Variants in SLC44A5 observed in about 807,000 individuals in gnomAD.
The protein encoded by SLC44A5 is solute carrier family 44 member 5.
Under a neutral mutation model 101.8 loss-of-function variants are expected in SLC44A5, and 57 were observed. The observed-to-expected ratio is 0.56, with a 90% CI of 0.45 to 0.70. The LOEUF is 0.70. Ranked by LOEUF, SLC44A5 falls within the 30% of genes least tolerant of loss-of-function variation. The pLI is 0.00. For missense variants in SLC44A5, 737 were observed against 853.1 expected, an observed-to-expected ratio of 0.86 and a Z score of 1.70; for synonymous variants, 281 against 290.9, an observed-to-expected ratio of 0.97 and a Z score of 0.35.
intron 7 of SLC44A5, among the ~76,000 whole-genome samples, chr1:75,245,043 A>G (rs1315040403): frequency 6.6e-6 from 1 of 152,102 alleles, no homozygotes; most frequent in Non-Finnish European, 1.5e-5. Flanking sequence ...GCTGTACACA[A>G]AGGCATTTGG....
At chr1:75,287,431 T>TA (rs1392630248) in intron 5 of SLC44A5, among the ~76,000 whole-genome samples, 2 of 131,460 alleles carry the variant, frequency 1.5e-5, no homozygotes, top group African/African-American at 2.6e-5. Context: ...GAATTCTTTT[T>TA]TTTTTTTTTT....
chr1:75,479,445 A>G (rs1667673184), intron 2 of SLC44A5, among the ~76,000 whole-genome samples: 1 of 152,232 alleles, frequency 6.6e-6, no homozygotes, highest in Non-Finnish European at 1.5e-5. Context: ...ACCCTTCAAA[A>G]ATTAATGAAT....
intron 2 of SLC44A5, among the ~76,000 whole-genome samples, chr1:75,413,432 A>G (rs138945190): frequency 8.5e-5 from 13 of 152,280 alleles, no homozygotes; most frequent in Non-Finnish European, 1.8e-4. Context: ...CAACATAAGA[A>G]ACTTTTGCTA....
chr1:75,493,291 C>T (rs11163493), intron 2 of SLC44A5, among the ~76,000 whole-genome samples: 38,775 of 151,944 alleles, frequency 0.26, 6,530 homozygotes, highest in African/African-American at 0.48. Flanking sequence ...CGTCTGATGA[C>T]TTTTTTCTCC....
chr1:75,292,072 G>A (rs1653601551), intron 5 of SLC44A5, among the ~76,000 whole-genome samples: 1 of 151,826 alleles, frequency 6.6e-6, no homozygotes, highest in African/African-American at 2.4e-5. Context: ...TATGGATGGA[G>A]AGTTAGCATC....
At chr1:75,417,230 C>G (rs1778454) in intron 2 of SLC44A5, among the ~76,000 whole-genome samples, 2 of 151,964 alleles carry the variant, frequency 1.3e-5, no homozygotes, top group Non-Finnish European at 2.9e-5. Context: ...GTAAATGGGA[C>G]TCACGAGATC....
chr1:75,513,721 A>C (rs993582161), intron 2 of SLC44A5, among the ~76,000 whole-genome samples: 8 of 152,212 alleles, frequency 5.3e-5, no homozygotes, highest in African/African-American at 1.9e-4. Context: ...TCCAACATAC[A>C]AAAGGGAGCC....
At chr1:75,341,044 CAA>C (rs1657836267) in intron 3 of SLC44A5, among the ~76,000 whole-genome samples, 2 of 152,240 alleles carry the variant, frequency 1.3e-5, no homozygotes. Flanking sequence ...ACAAAAGAGC[CAA>C]AGAGTCCTAT....
intron 2 of SLC44A5, among the ~76,000 whole-genome samples, chr1:75,486,097 A>G (rs995118634): frequency 4.6e-5 from 7 of 152,230 alleles, no homozygotes; most frequent in African/African-American, 1.7e-4. Context: ...GTAATAAAAT[A>G]ATAATATGAA....
At chr1:75,249,916 T>C (rs76504600) in intron 7 of SLC44A5, among the ~76,000 whole-genome samples, 1,527 of 152,288 alleles carry the variant, frequency 0.01, 36 homozygotes, top group African/African-American at 0.035. Flanking sequence ...GCTCAGCTCA[T>C]AGCTACATTG....
At chr1:75,339,737 GTGA>G in intron 3 of SLC44A5, 107 bp from the exon 4 acceptor site, 1 of 877,072 alleles carries the variant, frequency 1.1e-6, no homozygotes, top group Admixed American at 2.6e-5. Flanking sequence ...GCTCAGTGCA[GTGA>G]TGAATTCATA....
intron 2 of SLC44A5, among the ~76,000 whole-genome samples, chr1:75,414,882 T>C (rs1557761597): frequency 6.6e-6 from 1 of 152,192 alleles, no homozygotes; most frequent in Non-Finnish European, 1.5e-5. Context: ...ATGTGGGGCC[T>C]TGTAGGCTAG....
chr1:75,450,530 A>C (rs953006996), intron 2 of SLC44A5, among the ~76,000 whole-genome samples: 1 of 152,208 alleles, frequency 6.6e-6, no homozygotes, highest in African/African-American at 2.4e-5. Context: ...ACACCTCAGT[A>C]GTAGGTGCTG....
intron 2 of SLC44A5, among the ~76,000 whole-genome samples, chr1:75,488,769 A>G (rs1373780399): frequency 6.6e-6 from 1 of 152,230 alleles, no homozygotes; most frequent in Non-Finnish European, 1.5e-5. Flanking sequence ...AGTTATAGCA[A>G]TAATTTATAT....
At chr1:75,651,638 A>G in the SLC44A5 span, among the ~76,000 whole-genome samples, 20 of 143,492 alleles carry the variant, frequency 1.4e-4, no homozygotes, top group Admixed American at 3.7e-4. Context: ...TGGAGCTTGC[A>G]GTGAGTCAAG....
In SLC44A5 at chr1:75,417,211, T is replaced by C. The variant is rs150656010; in HGVS notation, c.14-20590A>G. On this transcript the variant is annotated intron_variant, in intron 2 of 23. Coordinates refer to ENST00000370859, the MANE Select transcript of SLC44A5 (RefSeq NM_001130058.2). ...GGGGACAGGTTTTTCCCCTGCTGTT[T>C]TCATAATAGTAAATGGGACTCACGA... 1.1e-4 allele frequency among the ~76,000 whole-genome samples: 17 copies of C among 152,222 alleles called. No homozygotes were observed. The East Asian group carries it at 3.3e-3, about 29-fold the overall frequency.
intron 3 of SLC44A5, among the ~76,000 whole-genome samples, chr1:75,364,225 T>C (rs939014662): frequency 6.6e-6 from 1 of 152,184 alleles, no homozygotes; most frequent in African/African-American, 2.4e-5. Flanking sequence ...TACCTGAGAC[T>C]GGGTAATTTA....
At chr1:75,703,700 AGT>A in the SLC44A5 span, among the ~76,000 whole-genome samples, 13 of 151,890 alleles carry the variant, frequency 8.6e-5, no homozygotes, top group Middle Eastern at 3.4e-3. Context: ...CTCCTCAGAG[AGT>A]GTGTCAGAAG....
intron 3 of SLC44A5, among the ~76,000 whole-genome samples, chr1:75,358,817 T>A (rs1050563491): frequency 6.6e-6 from 1 of 152,174 alleles, no homozygotes; most frequent in South Asian, 2.1e-4. Flanking sequence ...CTGATAAACA[T>A]ATCCCTTATG....
Sources: gnomAD v4.1 joint callset for allele counts (sites outside exome capture counted in the v4.1 genomes callset) on GRCh38, gnomAD v4.1.1 for gene constraint, MANE v1.5 for transcripts, NCBI Gene and HGNC (gene_info 2026-07-23, HGNC 2026-07-21) for gene names.